The following CMSS1 variants were observed in gnomAD, a reference collection of about 807,000 sequenced individuals.
CMSS1 encodes cms1 ribosomal small subunit homolog, also known as protein CMSS1.
A neutral mutation model predicts 43.5 loss-of-function variants in CMSS1; 33 were observed. That is an observed-to-expected ratio of 0.76 (90% CI 0.57 to 1.01). The LOEUF (loss-of-function observed/expected upper bound fraction) is 1.01. Ranked by LOEUF, CMSS1 falls within the 50% of genes least tolerant of loss-of-function variation. The probability of loss-of-function intolerance (pLI) is 0.00; values close to 1 mark genes in which losing one functional copy is unlikely to be tolerated. For missense variants in CMSS1, 313 were observed against 326.4 expected, an observed-to-expected ratio of 0.96 and a Z score of 0.32; for synonymous variants, 115 against 117.2, an observed-to-expected ratio of 0.98 and a Z score of 0.12.
rs144906597 is a variant in CMSS1, at chr3:100,132,676, G to A, written c.65-14297G>A. On this transcript the variant is annotated intron_variant, in intron 1 of 9. Coordinates refer to ENST00000421999, the MANE Select transcript of CMSS1 (RefSeq NM_032359.4). ...CTACTAAAAATACAAAAAATTAGCC[G>A]AGCATGGTGGCGGGCGCCTATAGTC... 6.5e-3 allele frequency among the ~76,000 whole-genome samples: 991 copies of A among 151,528 alleles called. 8 individuals carry two copies. The highest frequency in any genetic ancestry group is 0.023 in the African/African-American group (962 of 41,334).
chr3:100,060,689 C>A (rs1415688050), intron 1 of CMSS1, among the ~76,000 whole-genome samples: 1 of 151,788 alleles, frequency 6.6e-6, no homozygotes, highest in Non-Finnish European at 1.5e-5. Flanking sequence ...ACCCCATCTC[C>A]ACAAAAAATA....
intron 1 of CMSS1, among the ~76,000 whole-genome samples, chr3:99,843,706 A>G (rs548383340): frequency 1.3e-5 from 2 of 152,292 alleles, no homozygotes; most frequent in East Asian, 3.9e-4. Flanking sequence ...TTGTCTAGCA[A>G]CACAGCACAC....
rs77168664 is a variant in CMSS1 at position 99,867,188 on chromosome 3, C to T, written c.64+49145C>T. On this transcript the variant is annotated intron_variant, in intron 1 of 9. Transcript: ENST00000421999. ...GCTAGAGGTGAGAGCAATGACTGTA[C>T]CCCACTTCTCTTGGCCCTGGGTCTG... Among the ~76,000 whole-genome samples the T allele has an allele frequency of 4.5e-3, 688 of 152,282 alleles. 7 individuals carry two copies. Among genetic ancestry groups the T allele is most frequent in the African/African-American group, 0.016 (674 of 41,564 alleles).
intron 1 of CMSS1, among the ~76,000 whole-genome samples, chr3:99,867,433 A>G (rs1370473965): frequency 1.3e-5 from 2 of 152,240 alleles, no homozygotes; most frequent in African/African-American, 4.8e-5. Flanking sequence ...GGTTTTTGAA[A>G]AAAGCTCTGG....
At chr3:100,156,708 C>T (rs1006050558) in intron 2 of CMSS1, among the ~76,000 whole-genome samples, 6 of 152,044 alleles carry the variant, frequency 3.9e-5, no homozygotes, top group Non-Finnish European at 5.9e-5. Flanking sequence ...CTCCGCTTCC[C>T]GGGTTCACTC....
At chr3:99,850,603 A>AT (rs1311581659) in intron 1 of CMSS1, 6 of 1,613,072 alleles carry the variant, frequency 3.7e-6, no homozygotes, top group Non-Finnish European at 4.2e-6. Flanking sequence ...TCCCTTACTG[A>AT]TTTTTTCTTT....
rs961757882 is a variant in CMSS1 at position 99,848,542 on chromosome 3, T to C, written c.64+30499T>C. The C allele has an allele frequency of 1.9e-6, 3 of 1,614,228 alleles. 1 individual carries two copies. In the South Asian group the frequency reaches 3.3e-5, roughly 18 times the overall value. ...ACTTGAGCTATTGCTGTTTGAACGCTGAAACTGCCATGATGACTGCCGGTC... is the reference window on the plus strand; with the variant it reads ...ACTTGAGCTATTGCTGTTTGAACGCCGAAACTGCCATGATGACTGCCGGTC... On this transcript the variant is annotated intron_variant, in intron 1 of 9. Transcript: ENST00000421999.
chr3:100,074,470 T>G (rs2065814465), intron 1 of CMSS1, among the ~76,000 whole-genome samples: 1 of 152,168 alleles, frequency 6.6e-6, no homozygotes, highest in Non-Finnish European at 1.5e-5. Context: ...CTGCTACATT[T>G]TTCTCTGTGG....
intron 1 of CMSS1, among the ~76,000 whole-genome samples, chr3:99,837,980 T>A (rs924798416): frequency 6.6e-6 from 1 of 152,234 alleles, no homozygotes; most frequent in African/African-American, 2.4e-5. Flanking sequence ...GTTGTGATGT[T>A]CCTTCCGTGA....
chr3:100,087,137 A>C (rs751512502), intron 1 of CMSS1, among the ~76,000 whole-genome samples: 2 of 152,210 alleles, frequency 1.3e-5, no homozygotes, highest in Non-Finnish European at 2.9e-5. Flanking sequence ...TGTTTGGGGC[A>C]ATTATGAATA....
chr3:99,931,090 C>T, intron 1 of CMSS1: 1 of 1,366,404 alleles, frequency 7.3e-7, no homozygotes, highest in East Asian at 2.3e-5. Flanking sequence ...ATAAGAGTAC[C>T]TATTACTGCT....
At chr3:99,863,159 C>T (rs1944344411) in intron 1 of CMSS1, among the ~76,000 whole-genome samples, 1 of 152,060 alleles carries the variant, frequency 6.6e-6, no homozygotes, top group Admixed American at 6.6e-5. Flanking sequence ...TGAAACTGTC[C>T]CACTCGGATC....
At chr3:100,097,043 AGGAGGTGAG>A (rs2066222108) in intron 1 of CMSS1, among the ~76,000 whole-genome samples, 1 of 152,200 alleles carries the variant, frequency 6.6e-6, no homozygotes, top group African/African-American at 2.4e-5. Flanking sequence ...GCCACAAAGC[AGGAGGTGAG>A]CAGCAGGCAA....
chr3:100,108,364 C>T (rs1053715980), intron 1 of CMSS1, among the ~76,000 whole-genome samples: 1 of 152,132 alleles, frequency 6.6e-6, no homozygotes, highest in Admixed American at 6.5e-5. Context: ...TTATTGAGCA[C>T]TTATGTGTCA....
intron 1 of CMSS1, among the ~76,000 whole-genome samples, chr3:100,011,261 G>A (rs1283423577): frequency 6.6e-6 from 1 of 152,022 alleles, no homozygotes; most frequent in Non-Finnish European, 1.5e-5. Context: ...TTTTCCTCAG[G>A]GAAATGTTTC....
At chr3:100,094,514 C>T (rs1191156544) in intron 1 of CMSS1, among the ~76,000 whole-genome samples, 1 of 151,892 alleles carries the variant, frequency 6.6e-6, no homozygotes, top group Non-Finnish European at 1.5e-5. Flanking sequence ...ACAGAGATCC[C>T]AAAGATTTTC....
intron 6 of CMSS1, among the ~76,000 whole-genome samples, chr3:100,170,078 CTAACTTT>C (rs2067097677): frequency 6.6e-6 from 1 of 152,158 alleles, no homozygotes; most frequent in African/African-American, 2.4e-5. Flanking sequence ...TTTAATAATT[CTAACTTT>C]TATAAGAACA....
rs375247715 is a variant in CMSS1, at chr3:99,832,955, A to C, written c.64+14912A>C. On this transcript the variant is annotated intron_variant, in intron 1 of 9. Coordinates refer to ENST00000421999, the MANE Select transcript of CMSS1 (RefSeq NM_032359.4). ...ATGTGTCATCTCTTGGATCATTTTTATAGAGCGTTATGTCAAATAGCTCCA... is the reference window on the plus strand; with the variant it reads ...ATGTGTCATCTCTTGGATCATTTTTCTAGAGCGTTATGTCAAATAGCTCCA... Among the ~76,000 whole-genome samples, 16 of 142,802 alleles carry C rather than the reference A, an allele frequency of 1.1e-4. No homozygotes were observed. In the East Asian group the frequency reaches 2.2e-3, roughly 19 times the overall value. 93.7% of individuals were successfully genotyped at this position (142,802 alleles called of 152,430 possible). A position where few individuals can be genotyped will look rare whatever the true frequency, so the allele number is the denominator to read the frequency against.
chr3:99,879,113 G>T (rs1400226106), intron 1 of CMSS1, among the ~76,000 whole-genome samples: 1 of 152,092 alleles, frequency 6.6e-6, no homozygotes, highest in African/African-American at 2.4e-5. Flanking sequence ...AGACACCAAG[G>T]TCCTTTCTAC....
Sources: gnomAD v4.1 joint callset for allele counts (sites outside exome capture counted in the v4.1 genomes callset) on GRCh38, gnomAD v4.1.1 for gene constraint, MANE v1.5 for transcripts, NCBI Gene and HGNC (gene_info 2026-07-23, HGNC 2026-07-21) for gene names.